The following PDE1A variants were observed in gnomAD, a reference collection of about 807,000 sequenced individuals.
PDE1A encodes phosphodiesterase 1A.
A neutral mutation model predicts 61.7 loss-of-function variants in PDE1A; 35 were observed. The ratio of observed to expected loss-of-function variants is 0.57; its 90% CI spans 0.43 to 0.75. The LOEUF is 0.75. PDE1A is among the 30% of genes least tolerant of loss of function. The pLI, the probability that PDE1A is intolerant of heterozygous loss-of-function variation, is 0.00. For missense variants in PDE1A, 597 were observed against 630.6 expected (o/e 0.95, Z 0.57); for synonymous variants, 232 against 213.2 (o/e 1.09, Z -0.77).
intron 2 of PDE1A, among the ~76,000 whole-genome samples, chr2:182,480,180 A>G (rs1309671067): frequency 2.0e-5 from 3 of 151,926 alleles, no homozygotes; most frequent in Admixed American, 1.3e-4. Flanking sequence ...ACAATTTTCT[A>G]CCAAAGAGAA....
At chr2:182,671,915 G>A in the PDE1A span, among the ~76,000 whole-genome samples, 81 of 152,040 alleles carry the variant, frequency 5.3e-4, no homozygotes, top group African/African-American at 1.5e-3. Context: ...CACCGTGCCC[G>A]GCCGTGACTT....
the PDE1A span, among the ~76,000 whole-genome samples, chr2:182,670,228 C>A: frequency 6.6e-6 from 1 of 152,114 alleles, no homozygotes; most frequent in African/African-American, 2.4e-5. Context: ...TTACCCTACA[C>A]CTGTTTAGAG....
chr2:182,255,293 A>G (rs1314088604), intron 2 of PDE1A, among the ~76,000 whole-genome samples: 1 of 152,186 alleles, frequency 6.6e-6, no homozygotes, highest in Non-Finnish European at 1.5e-5. Context: ...TATCACTTAC[A>G]ATTGAAATAT....
chr2:182,495,346 A>T (rs1688648791), intron 2 of PDE1A, among the ~76,000 whole-genome samples: 1 of 152,132 alleles, frequency 6.6e-6, no homozygotes, highest in Non-Finnish European at 1.5e-5. Context: ...AATGCTAGAG[A>T]ACCCATTTTG....
At chr2:182,465,837 T>C (rs1686621825) in intron 2 of PDE1A, among the ~76,000 whole-genome samples, 1 of 152,100 alleles carries the variant, frequency 6.6e-6, no homozygotes, top group African/African-American at 2.4e-5. Flanking sequence ...TTTTGACATA[T>C]CCATTTTGAT....
At chr2:182,162,228 T>G (rs13424577) in intron 13 of PDE1A, among the ~76,000 whole-genome samples, 1 of 152,130 alleles carries the variant, frequency 6.6e-6, no homozygotes, top group Non-Finnish European at 1.5e-5. Context: ...TGGGAATAAT[T>G]GGATCCCTGG....
intron 2 of PDE1A, among the ~76,000 whole-genome samples, chr2:182,242,938 T>TGG (rs1690664978): frequency 7.5e-6 from 1 of 133,534 alleles, no homozygotes; most frequent in Non-Finnish European, 1.6e-5. Flanking sequence ...TGTGTGTATG[T>TGG]GTGTGTGTGT....
chr2:182,221,112 C>CT (rs1209793536), intron 7 of PDE1A, among the ~76,000 whole-genome samples: 1 of 151,946 alleles, frequency 6.6e-6, no homozygotes, highest in Non-Finnish European at 1.5e-5. Context: ...CATCCCCCTC[C>CT]TTTCCTCCAC....
At chr2:182,518,344 C>A (rs1369339582) in intron 2 of PDE1A, among the ~76,000 whole-genome samples, 1 of 152,138 alleles carries the variant, frequency 6.6e-6, no homozygotes. Context: ...ATAACAGTTG[C>A]TTAGAATTAA....
chr2:182,402,984 C>G (rs754858315), intron 1 of PDE1A, among the ~76,000 whole-genome samples: 62 of 152,082 alleles, frequency 4.1e-4, no homozygotes, highest in Non-Finnish European at 8.5e-4. Flanking sequence ...TACCATCTCA[C>G]GCCAGTTAGA....
chr2:182,271,716 A>G (rs1279578739), intron 1 of PDE1A, among the ~76,000 whole-genome samples: 1 of 152,154 alleles, frequency 6.6e-6, no homozygotes, highest in Non-Finnish European at 1.5e-5. Flanking sequence ...GTCATATTAC[A>G]TCATTTAACT....
At chr2:182,329,311 C>G (rs1422337781) in intron 1 of PDE1A, among the ~76,000 whole-genome samples, 1 of 152,142 alleles carries the variant, frequency 6.6e-6, no homozygotes, top group African/African-American at 2.4e-5. Flanking sequence ...TGTTCTTCAT[C>G]AGAAACTTTT....
chr2:182,161,891 C>T (rs1691400024), intron 13 of PDE1A, among the ~76,000 whole-genome samples: 2 of 152,204 alleles, frequency 1.3e-5, no homozygotes, highest in South Asian at 4.1e-4. Flanking sequence ...AAAACAGGCA[C>T]TATAAGTTTA....
At chr2:182,467,912 A>G (rs1686777183) in intron 2 of PDE1A, among the ~76,000 whole-genome samples, 1 of 152,066 alleles carries the variant, frequency 6.6e-6, no homozygotes, top group African/African-American at 2.4e-5. Context: ...TATAAAAGTT[A>G]TGTTTACACT....
the PDE1A span, among the ~76,000 whole-genome samples, chr2:182,690,378 C>T: frequency 3.9e-5 from 6 of 152,224 alleles, no homozygotes; most frequent in East Asian, 1.9e-4. Context: ...GTTCAACATA[C>T]GCAAATCAAT....
chr2:182,411,542 T>A (rs1332177661), intron 1 of PDE1A, among the ~76,000 whole-genome samples: 3 of 152,198 alleles, frequency 2.0e-5, no homozygotes. Flanking sequence ...TATACCTATG[T>A]TCACCTTTAG....
At chr2:182,315,406 A>C (rs1370988494) in intron 1 of PDE1A, among the ~76,000 whole-genome samples, 1 of 152,244 alleles carries the variant, frequency 6.6e-6, no homozygotes, top group African/African-American at 2.4e-5. Flanking sequence ...GCTAGAAGAC[A>C]AATATTAGTA....
At chr2:182,206,155 C>A in intron 7 of PDE1A, 90 bp from the exon 8 acceptor site, 1 of 934,182 alleles carries the variant, frequency 1.1e-6, no homozygotes, top group Non-Finnish European at 1.6e-6. Context: ...AGTCATGTGA[C>A]CAGAAAACAT....
At chr2:182,154,646 A>G (rs1211888664) in intron 13 of PDE1A, among the ~76,000 whole-genome samples, 3 of 151,904 alleles carry the variant, frequency 2.0e-5, no homozygotes, top group Admixed American at 6.6e-5. Context: ...TGTAAGCCAC[A>G]CCTTTGCTTC....
Sources: allele counts gnomAD v4.1 joint callset (sites outside exome capture counted in the v4.1 genomes callset), GRCh38; gene constraint gnomAD v4.1.1; transcripts MANE v1.5; gene names NCBI Gene and HGNC (gene_info 2026-07-23, HGNC 2026-07-21).